Variants in NIN observed in about 807,000 individuals in gnomAD.
NIN encodes the protein glycogen synthase kinase 3 beta-interacting protein.
NIN carries 137 observed loss-of-function variants against 257.6 expected under a neutral mutation model. The ratio of observed to expected loss-of-function variants is 0.53; its 90% confidence interval spans 0.46 to 0.61. The LOEUF (loss-of-function observed/expected upper bound fraction) is 0.61. Ranked by LOEUF, NIN falls within the 20% of genes least tolerant of loss-of-function variation. The probability of loss-of-function intolerance (pLI) is 0.00; values close to 1 mark genes in which losing one functional copy is unlikely to be tolerated. For missense variants in NIN, 2,439 were observed against 2,501.2 expected (o/e 0.98, Z 0.53); for synonymous variants, 918 against 919.8 (o/e 1.00, Z 0.04).
rs115656559 is a variant in NIN, at chr14:50,730,491, G to A, written c.5878-768C>T. Among the ~76,000 whole-genome samples the A allele has an allele frequency of 8.0e-3, 1,214 of 151,954 alleles. 18 individuals carry two copies. The highest frequency in any genetic ancestry group is 0.027 in the African/African-American group (1,130 of 41,422). On this transcript the variant is annotated intron_variant, in intron 28 of 30. Coordinates refer to ENST00000530997, the MANE Select transcript of NIN (RefSeq NM_020921.4). ...CAAACATTACCAAGACTAAACTCAA[G>A]AAGCGGCACCTCCAGGCTTGTGAGA...
intron 3 of NIN, among the ~76,000 whole-genome samples, chr14:50,819,889 TC>T (rs1325429297): frequency 6.6e-6 from 1 of 152,212 alleles, no homozygotes; most frequent in Non-Finnish European, 1.5e-5. Flanking sequence ...ACAACTATAA[TC>T]CCTACTGTAT....
chr14:50,758,142 T>G lies in NIN; in HGVS notation c.2888A>C (p.Gln963Pro), dbSNP rs1176958068. The G allele has an allele frequency of 6.2e-7, 1 of 1,614,110 alleles. No homozygotes were observed. The highest frequency in any genetic ancestry group is 1.3e-5 in the African/African-American group (1 of 74,944). Residue 963 changes from glutamine (Q) to proline (P), a missense_variant, in exon 18 of 31, where the codon CAG (glutamine) becomes CCG (proline). Coordinates refer to ENST00000530997, the MANE Select transcript of NIN (RefSeq NM_020921.4). ...TCTTTCCAGCCGCTGGCTGGCCAGC[T>G]GCTCCGAAGCCCCTGCCTGGCACAG... ...EVLCQAGASE[Q>P]LASQRLERLE...
chr14:50,744,434 A>C, intron 22 of NIN, 69 bp from the exon 23 acceptor site: 1 of 1,533,204 alleles, frequency 6.5e-7, no homozygotes, highest in South Asian at 1.2e-5. Context: ...GGTATTTCTA[A>C]ATAGGGCATT....
chr14:50,747,512 T>C (rs1034626639), intron 22 of NIN, among the ~76,000 whole-genome samples: 3 of 152,092 alleles, frequency 2.0e-5, no homozygotes, highest in South Asian at 2.1e-4. Context: ...CGTGGGTGGA[T>C]TGCTTGAACC....
Position 50,735,540 on chromosome 14 carries a change from T to C in NIN, c.5853A>G (p.Val1951=). The C allele has an allele frequency of 1.9e-6, 3 of 1,613,326 alleles. No homozygotes were observed. The highest frequency in any genetic ancestry group is 2.5e-6 in the Non-Finnish European group (3 of 1,180,026). The part of the protein sequence containing the change: ...LENEGLKKKQ[V]KLDEQLMEMQ... ...CCTCCATGAGCTGCTCATCCAGTTT[T>C]ACTTGTTTCTTTTTCAGGCCTTCAT... is the stretch of plus-strand genomic sequence containing the variant. The change falls in exon 28 of 31, where the codon GTA becomes GTG. Residue 1951 remains valine, a synonymous_variant. Coordinates refer to ENST00000530997, the MANE Select transcript of NIN (RefSeq NM_020921.4).
At chr14:50,828,789 A>G (rs920382601) in intron 2 of NIN, among the ~76,000 whole-genome samples, 4 of 152,246 alleles carry the variant, frequency 2.6e-5, no homozygotes, top group Non-Finnish European at 5.9e-5. Context: ...ACTGCCTATT[A>G]CATTAAGATT....
chr14:50,786,351 T>C (rs2043346986), intron 5 of NIN, among the ~76,000 whole-genome samples: 1 of 148,002 alleles, frequency 6.8e-6, no homozygotes, highest in Non-Finnish European at 1.5e-5. Context: ...TTTTAGTTTC[T>C]AGTTAGAAGA....
chr14:50,742,454 C>G (rs2140511029), intron 24 of NIN: 1 of 150,564 alleles, frequency 6.6e-6, no homozygotes, highest in East Asian at 2.0e-4. Flanking sequence ...AGTGCAGTGG[C>G]ACGATCTCGG....
intron 7 of NIN, among the ~76,000 whole-genome samples, chr14:50,774,781 A>G (rs1261031976): frequency 6.6e-6 from 1 of 152,222 alleles, no homozygotes; most frequent in Non-Finnish European, 1.5e-5. Context: ...GCACCTGGAA[A>G]GTCCTTCCAG....
intron 5 of NIN, among the ~76,000 whole-genome samples, chr14:50,780,553 T>A (rs2043095348): frequency 6.6e-6 from 1 of 152,220 alleles, no homozygotes; most frequent in Non-Finnish European, 1.5e-5. Context: ...CCTACGCTCA[T>A]CTACTTTATT....
At chr14:50,725,509 A>G (rs934569652) in intron 30 of NIN, among the ~76,000 whole-genome samples, 3 of 152,140 alleles carry the variant, frequency 2.0e-5, no homozygotes, top group East Asian at 3.9e-4. Context: ...CAGGAAAGCT[A>G]AAGTTCCATT....
chr14:50,820,332 G>A (rs2045145146), intron 3 of NIN, among the ~76,000 whole-genome samples: 1 of 152,240 alleles, frequency 6.6e-6, no homozygotes, highest in Non-Finnish European at 1.5e-5. Context: ...AACATCTGGA[G>A]AGCAAAGCAT....
In NIN at chr14:50,809,925, G is replaced by A. The variant is rs115150027; in HGVS notation, c.184-3107C>T. On this transcript the variant is annotated intron_variant, in intron 3 of 30. Coordinates refer to ENST00000530997, the MANE Select transcript of NIN (RefSeq NM_020921.4). ...CACATGGGATCAAAAGCTGAGGGAG[G>A]TGTCATAAAGCCCAGGCACTCATCC... Among the ~76,000 whole-genome samples the A allele has an allele frequency of 9.4e-3, 1,430 of 152,192 alleles. 23 individuals are homozygous for A. The highest frequency in any genetic ancestry group is 0.033 in the African/African-American group (1,356 of 41,536).
intron 13 of NIN, 82 bp downstream of exon 13, chr14:50,766,698 T>C: frequency 1.1e-6 from 1 of 928,350 alleles, no homozygotes; most frequent in Non-Finnish European, 1.7e-6. Context: ...ATAAAAATGT[T>C]CTGGTGGCAT....
chr14:50,812,236 T>C (rs1442076824), intron 3 of NIN, among the ~76,000 whole-genome samples: 3 of 152,208 alleles, frequency 2.0e-5, no homozygotes, highest in East Asian at 1.9e-4. Context: ...ACAATATTCA[T>C]GTGACACAGT....
Position 50,821,918 on chromosome 14 carries a change from G to C in NIN, c.139C>G (p.Pro47Ala), listed in dbSNP as rs765630088. The change falls in exon 3 of 31, where the codon CCA becomes GCA. Residue 47 changes from proline to alanine, a missense_variant. Physicochemically the swap from Pro to Ala is conservative, Grantham distance 27 (BLOSUM62 -1). Around this residue, in one of 3 missense-constraint regions of NIN, gnomAD observed 387 missense variants for 427.3 expected, o/e 0.91. Transcript: ENST00000530997. The stretch of plus-strand genomic sequence containing the variant: ...TGAAGTAATGTCTGCTGCAGCACTG[G>C]GGCCACCTCCTCCAAGCTCAACATG... ...CHMLSLEEVAPVLQQTLLQDN... is the reference protein window; with the variant it reads ...CHMLSLEEVAAVLQQTLLQDN... The C allele has an allele frequency of 1.1e-5, 17 of 1,613,972 alleles. No homozygotes were observed. In the Admixed American group the frequency reaches 2.7e-4, roughly 25 times the overall value.
intron 5 of NIN, among the ~76,000 whole-genome samples, chr14:50,780,755 AAT>A (rs1423095566): frequency 1.3e-5 from 2 of 152,254 alleles, no homozygotes; most frequent in Non-Finnish European, 2.9e-5. Flanking sequence ...CATAACTCAA[AAT>A]GTTTAAGTTC....
chr14:50,821,152 A>C (rs1034105742), intron 3 of NIN, among the ~76,000 whole-genome samples: 1 of 152,270 alleles, frequency 6.6e-6, no homozygotes, highest in Non-Finnish European at 1.5e-5. Context: ...ATTATAAATA[A>C]GGCAAATAAT....
At chr14:50,818,627 G>A (rs1236626317) in intron 3 of NIN, among the ~76,000 whole-genome samples, 1 of 152,126 alleles carries the variant, frequency 6.6e-6, no homozygotes, top group Non-Finnish European at 1.5e-5. Context: ...CTTAACTGAT[G>A]ACAAAGATAT....
Sources: gnomAD v4.1 joint callset for allele counts (sites outside exome capture counted in the v4.1 genomes callset) on GRCh38, gnomAD v4.1.1 for gene constraint, gnomAD v4.1.1 regional missense constraint, MANE v1.5 for transcripts, NCBI Gene and HGNC (gene_info 2026-07-23, HGNC 2026-07-21) for gene names.